SVIL: variants seen among roughly 807,000 people sequenced by gnomAD.
SVIL encodes supervillin.
Under a neutral mutation model 240.4 loss-of-function variants are expected in SVIL, and 101 were observed. That is an observed-to-expected ratio of 0.42 (90% CI 0.36 to 0.50). The LOEUF (loss-of-function observed/expected upper bound fraction) is 0.50, where lower values mean the gene tolerates loss of function less well. Among genes scored for constraint, SVIL ranks in the 20% least tolerant of loss-of-function variants. The pLI is 0.01. For synonymous variants in SVIL, 999 were observed against 1,100.0 expected (o/e 0.91, Z 1.82); for missense variants, 2,512 against 2,818.7 (o/e 0.89, Z 2.46).
Position 29,633,056 on chromosome 10 carries a change from AC to A in SVIL, c.-201+1363del, listed in dbSNP as rs1958166510. ...AGATCAGCCTGGCCAACATAGTGAA[AC>A]CCCGTCTCTACTAAAAATACAAAAA... On this transcript the variant is annotated intron_variant, in intron 1 of 37. Coordinates refer to ENST00000355867, the MANE Select transcript of SVIL (RefSeq NM_021738.3). Among the ~76,000 whole-genome samples the A allele has an allele frequency of 2.0e-5, 3 of 152,018 alleles. No homozygotes were observed. The South Asian group carries it at 6.2e-4, about 32-fold the overall frequency.
chr10:29,490,726 T>C lies in SVIL; in HGVS notation c.4192+121A>G. On this transcript the variant is annotated intron_variant, in intron 22 of 37. Transcript: ENST00000355867. ...TATGTGCAAACTTACTCCTTTTTAC[T>C]TCATGAGGGTCTTCTGAGCACCATT... 3.2e-6 allele frequency: 4 copies of C among 1,231,628 alleles called. 1 individual carries two copies. The highest frequency in any genetic ancestry group is 4.4e-4 in the Middle Eastern group (2 of 4,528). 76.3% of individuals were successfully genotyped at this position (1,231,628 alleles called of 1,614,324 possible).
chr10:29,500,880 G>C (rs1245673053), intron 17 of SVIL, among the ~76,000 whole-genome samples: 1 of 152,110 alleles, frequency 6.6e-6, no homozygotes, highest in African/African-American at 2.4e-5. Context: ...CCTGATTCAG[G>C]AGGGACAGGA....
intron 21 of SVIL, among the ~76,000 whole-genome samples, chr10:29,492,175 A>G (rs536369258): frequency 1.3e-5 from 2 of 152,256 alleles, no homozygotes; most frequent in East Asian, 3.9e-4. Flanking sequence ...AAGGAGACCC[A>G]GAGCCCCGCC....
At position 29,467,813 on chromosome 10, in the gene SVIL, C is replaced by T; in HGVS notation, c.5906G>A (p.Gly1969Asp). 2 of 1,614,156 alleles carry T rather than the reference C, an allele frequency of 1.2e-6. No individual in the cohort carries two copies. The highest frequency in any genetic ancestry group is 1.7e-6 in the Non-Finnish European group (2 of 1,180,006). ...ATCCCAGAATCCGAGTGGCTCGGAG[C>T]CTTCATCACACTCGTGTATTGTGAC... ...SKVTIHECDE[G>D]SEPLGFWDAL... Residue 1969 changes from glycine to aspartate, a missense_variant, in exon 33 of 38, where the codon GGC (glycine) becomes GAC (aspartate). Gly to Asp is a moderately conservative substitution (Grantham distance 94). Transcript: ENST00000355867.
chr10:29,462,021 A>G (rs1886999), intron 36 of SVIL, among the ~76,000 whole-genome samples: 84,597 of 152,144 alleles, frequency 0.56, 25,073 homozygotes, highest in African/African-American at 0.76. Context: ...ATAGTCCTCA[A>G]CATGATTCAA....
At chr10:29,652,490 T>C (rs555472185) in intron 3 of SVIL, among the ~76,000 whole-genome samples, 44 of 152,360 alleles carry the variant, frequency 2.9e-4, no homozygotes, top group African/African-American at 1.0e-3. Context: ...TTAGGTATTA[T>C]GAATAATGCT....
Position 29,529,666 on chromosome 10 carries a change from A to T in SVIL, c.2246+39T>A, listed in dbSNP as rs376312502. The T allele has an allele frequency of 5.2e-6, 8 of 1,542,946 alleles. No homozygotes were observed. In the African/African-American group the frequency reaches 7.0e-5, roughly 14 times the overall value. ...TTTAAATGTATTTTTTTAAAAAAAGACACTATAGACAAGGCTGAGAAGTCC... is the reference window on the plus strand; with the variant it reads ...TTTAAATGTATTTTTTTAAAAAAAGTCACTATAGACAAGGCTGAGAAGTCC... On this transcript the variant is annotated intron_variant, in intron 12 of 37. Transcript: ENST00000355867.
At position 29,714,298 on chromosome 10, in the gene SVIL, G is replaced by A. The variant is rs374063613; in HGVS notation, c.-400+21453C>T. 6.6e-5 allele frequency among the ~76,000 whole-genome samples: 10 copies of A among 152,180 alleles called. No individual in the cohort carries two copies. The South Asian group carries it at 8.3e-4, about 13-fold the overall frequency. ...GGAAGGCACTTTGAAATTACATAAC[G>A]ACATAGATGAACCAATACTTAAACC... On this transcript the variant is annotated intron_variant, in intron 1 of 35. Transcript: ENST00000375400.
rs564187452 is a variant in SVIL at position 29,474,291 on chromosome 10, G to A, written c.5378-302C>T. Among the ~76,000 whole-genome samples the A allele has an allele frequency of 5.5e-3, 843 of 152,284 alleles. 3 individuals carry two copies. Among genetic ancestry groups the A allele is most frequent in the Non-Finnish European group, 0.01 (681 of 68,010 alleles). ...GAGGGGGTGGCAGATCACTCCAAGT[G>A]TGCAACAGAGTAATTTCTTCAAAAT... On this transcript the variant is annotated intron_variant, in intron 29 of 37. Coordinates refer to ENST00000355867, the MANE Select transcript of SVIL (RefSeq NM_021738.3).
At chr10:29,591,646 C>T (rs1286509105) in intron 1 of SVIL, among the ~76,000 whole-genome samples, 2 of 152,176 alleles carry the variant, frequency 1.3e-5, no homozygotes, top group African/African-American at 4.8e-5. Flanking sequence ...CACCCTGCAC[C>T]TTTTTAAAAA....
chr10:29,572,020 A>G (rs1321074434), intron 1 of SVIL, among the ~76,000 whole-genome samples: 2 of 152,208 alleles, frequency 1.3e-5, no homozygotes, highest in Admixed American at 6.5e-5. Flanking sequence ...TGTTTGCTGA[A>G]TGACCATAGG....
In SVIL at chr10:29,465,655, G is replaced by A; in HGVS notation, c.6073C>T (p.Pro2025Ser). Residue 2025 changes from proline (P) to serine (S), a missense_variant, in exon 34 of 38, where the codon CCC (proline) becomes TCC (serine). Pro to Ser is a moderately conservative substitution (Grantham distance 74, BLOSUM62 -1). Around this residue, in one of 3 missense-constraint regions of SVIL, gnomAD observed 797 missense variants for 925.3 expected, o/e 0.86. Transcript: ENST00000355867. ...AAGGGCATGGAACTGACCACAGAGGGGGCTCGGGCAGGGTACACAAACTCT... is the reference window on the plus strand; with the variant it reads ...AAGGGCATGGAACTGACCACAGAGGAGGCTCGGGCAGGGTACACAAACTCT... ...ATEFVYPARA[P>S]SVVSSMPFLQ... 1 of 1,613,824 alleles carries A rather than the reference G, an allele frequency of 6.2e-7. No individual in the cohort carries two copies. Among genetic ancestry groups the A allele is most frequent in the Non-Finnish European group, 8.5e-7 (1 of 1,179,986 alleles).
rs188917800 is a variant in SVIL, at chr10:29,474,692, A to G, written c.5378-703T>C. 7.2e-5 allele frequency among the ~76,000 whole-genome samples: 11 copies of G among 152,302 alleles called. No individual in the cohort carries two copies. The East Asian group carries it at 2.1e-3, about 29-fold the overall frequency. On this transcript the variant is annotated intron_variant, in intron 29 of 37. Transcript: ENST00000355867. ...AGGACTAAGGGCTCACACAGACACAAACTCATTTTCCATATTACACCACTC... is the reference window on the plus strand; with the variant it reads ...AGGACTAAGGGCTCACACAGACACAGACTCATTTTCCATATTACACCACTC...
intron 17 of SVIL, among the ~76,000 whole-genome samples, chr10:29,509,858 A>G (rs1490547604): frequency 6.6e-6 from 1 of 152,182 alleles, no homozygotes; most frequent in East Asian, 1.9e-4. Context: ...CTCAAAAAAA[A>G]AAGGAATGAA....
At chr10:29,530,522 G>A in intron 11 of SVIL, 85 bp downstream of exon 11, 1 of 1,494,376 alleles carries the variant, frequency 6.7e-7, no homozygotes, top group Non-Finnish European at 9.3e-7. Context: ...CTGGCCTCAA[G>A]TGATTCTCCT....
chr10:29,587,091 C>T lies in SVIL; in HGVS notation c.-200-17779G>A, dbSNP rs1194597138. On this transcript the variant is annotated intron_variant, in intron 1 of 37. Coordinates refer to ENST00000355867, the MANE Select transcript of SVIL (RefSeq NM_021738.3). ...AAAGTCCATACTCCGTAGAATAAGC[C>T]CTGATACAGAACTGAACACACAAGC... Among the ~76,000 whole-genome samples the T allele has an allele frequency of 2.2e-4, 33 of 152,210 alleles. 1 individual carries two copies. The highest frequency in any genetic ancestry group is 2.1e-3 in the Admixed American group (32 of 15,286).
chr10:29,580,755 C>T (rs191841967), intron 1 of SVIL, among the ~76,000 whole-genome samples: 9 of 152,284 alleles, frequency 5.9e-5, no homozygotes, highest in Non-Finnish European at 1.0e-4. Flanking sequence ...CAGCCTCAAC[C>T]TCCTGGGCTT....
intron 17 of SVIL, among the ~76,000 whole-genome samples, chr10:29,502,450 G>A (rs1948969493): frequency 6.6e-6 from 1 of 151,946 alleles, no homozygotes; most frequent in Non-Finnish European, 1.5e-5. Flanking sequence ...TTTAGAGAAG[G>A]ATGTTATATA....
At chr10:29,616,421 A>C (rs1957428499) in intron 1 of SVIL, among the ~76,000 whole-genome samples, 1 of 152,260 alleles carries the variant, frequency 6.6e-6, no homozygotes, top group Admixed American at 6.5e-5. Context: ...AAGTTAGTCC[A>C]AAATCAAGTA....
Sources: gnomAD v4.1 joint callset for allele counts (sites outside exome capture counted in the v4.1 genomes callset) on GRCh38, gnomAD v4.1.1 for gene constraint, gnomAD v4.1.1 regional missense constraint, MANE v1.5 for transcripts, NCBI Gene and HGNC (gene_info 2026-07-23, HGNC 2026-07-21) for gene names.